PLA2R1: variants seen among roughly 807,000 people sequenced by gnomAD.
PLA2R1 encodes the protein secretory phospholipase A2 receptor.
In PLA2R1, 158 loss-of-function variants were observed where a neutral mutation model predicts 195.9. The ratio of observed to expected loss-of-function variants is 0.81; its 90% confidence interval spans 0.71 to 0.92. The LOEUF is 0.92. Among genes scored for constraint, PLA2R1 ranks in the 40% least tolerant of loss-of-function variants. The pLI, the probability that PLA2R1 is intolerant of heterozygous loss-of-function variation, is 0.00. For missense variants in PLA2R1, 1,626 were observed against 1,764.6 expected (o/e 0.92, Z 1.41); for synonymous variants, 586 against 598.2 (o/e 0.98, Z 0.30).
At chr2:159,949,155 T>C (rs1490017381) in intron 25 of PLA2R1, among the ~76,000 whole-genome samples, 3 of 152,168 alleles carry the variant, frequency 2.0e-5, no homozygotes, top group East Asian at 1.9e-4. Flanking sequence ...TTGAAGCCCA[T>C]GTTTCTCATC....
chr2:159,987,315 A>G lies in PLA2R1; in HGVS notation c.1878T>C (p.Leu626=). ...GCVAMRGRHP[L]GRWEVKHCRH... is the part of the protein sequence containing the mutation. ...GACAGTGCTTCACTTCCCAGCGACC[A>G]AGTGGATGCCTTCCTCGCATGGCAA... Residue 626 remains leucine, a synonymous_variant, in exon 12 of 30, where the codon CTT becomes CTC. Coordinates refer to ENST00000283243, the MANE Select transcript of PLA2R1 (RefSeq NM_007366.5). The G allele has an allele frequency of 6.2e-7, 1 of 1,612,374 alleles. No individual in the cohort carries two copies. Among genetic ancestry groups the G allele is most frequent in the Non-Finnish European group, 8.5e-7 (1 of 1,179,898 alleles).
At chr2:160,021,601 G>A (rs551407195) in intron 7 of PLA2R1, among the ~76,000 whole-genome samples, 2 of 152,280 alleles carry the variant, frequency 1.3e-5, no homozygotes, top group African/African-American at 4.8e-5. Flanking sequence ...ATACAGAGCA[G>A]GATAAAAAAC....
intron 11 of PLA2R1, among the ~76,000 whole-genome samples, chr2:159,993,968 A>G (rs1004872021): frequency 1.4e-4 from 22 of 152,180 alleles, no homozygotes; most frequent in African/African-American, 4.3e-4. Context: ...ACAAAAATTG[A>G]TTAAAAGGAA....
chr2:159,954,325 C>T (rs1372991532), intron 23 of PLA2R1, among the ~76,000 whole-genome samples: 1 of 151,708 alleles, frequency 6.6e-6, no homozygotes, highest in Non-Finnish European at 1.5e-5. Context: ...CTGCTGTTCC[C>T]ATATTACTCT....
At chr2:160,048,875 C>T (rs1404051625) in intron 1 of PLA2R1, among the ~76,000 whole-genome samples, 1 of 140,036 alleles carries the variant, frequency 7.1e-6, no homozygotes. Flanking sequence ...GAGTCTCGCT[C>T]TGTCACCCAG....
In PLA2R1 at chr2:160,028,922, T is replaced by C. The variant is rs745439228; in HGVS notation, c.883A>G (p.Asn295Asp). Residue 295 changes from asparagine to aspartate, a missense_variant, in exon 5 of 30, where the codon AAT becomes GAT. Asn to Asp is a conservative substitution (Grantham distance 23, BLOSUM62 1). Coordinates refer to ENST00000283243, the MANE Select transcript of PLA2R1 (RefSeq NM_007366.5). ...CAGCCAGCGTGTTCATCCAGCTGAT[T>C]GAGGCCCATCCACACCTCCACTGTT... Reference protein sequence around the residue: ...SKTVEVWMGLNQLDEHAGWQW... With the variant: ...SKTVEVWMGLDQLDEHAGWQW... 2 of 1,610,904 alleles carry C rather than the reference T, an allele frequency of 1.2e-6. No individual in the cohort carries two copies. The highest frequency in any genetic ancestry group is 2.2e-5 in the South Asian group (2 of 91,060).
At chr2:159,989,718 G>A (rs914003781) in intron 11 of PLA2R1, among the ~76,000 whole-genome samples, 2 of 152,120 alleles carry the variant, frequency 1.3e-5, no homozygotes, top group Admixed American at 1.3e-4. Context: ...AAATACCCCT[G>A]CAATGTTGCT....
At chr2:160,020,351 T>G in intron 7 of PLA2R1, 88 bp from the exon 8 acceptor site, 1 of 756,670 alleles carries the variant, frequency 1.3e-6, no homozygotes, top group Non-Finnish European at 2.2e-6. Context: ...ATATACCACT[T>G]CACATGTGAT....
the PLA2R1 span, among the ~76,000 whole-genome samples, chr2:159,925,198 C>CAA: frequency 2.3e-5 from 2 of 86,870 alleles, no homozygotes; most frequent in African/African-American, 5.5e-5. Context: ...TAAAAAAAAA[C>CAA]AAACAAACAA....
chr2:159,983,998 G>T lies in PLA2R1; in HGVS notation c.2113C>A (p.His705Asn). The T allele has an allele frequency of 6.2e-7, 1 of 1,600,936 alleles. No homozygotes were observed. Among genetic ancestry groups the T allele is most frequent in the Non-Finnish European group, 8.6e-7 (1 of 1,168,646 alleles). The change falls in exon 13 of 30, where the codon CAT becomes AAT. Residue 705 changes from histidine (H) to asparagine (N), a missense_variant. Transcript: ENST00000283243. ...TCAATATGGGCAAAGCTTGCAAGATGAGCTCCAAATTCTTCGCAAAATGCT... is the reference window on the plus strand; with the variant it reads ...TCAATATGGGCAAAGCTTGCAAGATTAGCTCCAAATTCTTCGCAAAATGCT... The part of the protein sequence containing the change: ...AEAFCEEFGA[H>N]LASFAHIEEE...
chr2:160,002,714 A>G (rs914316303), intron 11 of PLA2R1, among the ~76,000 whole-genome samples: 7 of 151,986 alleles, frequency 4.6e-5, no homozygotes, highest in Non-Finnish European at 7.4e-5. Context: ...ATAGTAGGTG[A>G]AGCTTTGTAC....
rs572195753 is a variant in PLA2R1, at chr2:159,949,825, C to T, written c.3541-49G>A. 87 of 1,485,902 alleles carry T rather than the reference C, an allele frequency of 5.9e-5. 1 individual carries two copies. In the South Asian group the frequency reaches 8.0e-4, roughly 14 times the overall value. The allele number at this position is 1,485,902 out of a possible 1,614,324, so 92.0% of individuals were successfully genotyped here. On this transcript the variant is annotated intron_variant, in intron 24 of 29. Transcript: ENST00000283243. ...ATTTCCTTGCCACGACGGCTGGCAG[C>T]ATCACCCAGTGTTATCTGAGCATGC...
chr2:160,045,278 C>G, intron 1 of PLA2R1, 121 bp from the exon 2 acceptor site: 1 of 752,798 alleles, frequency 1.3e-6, no homozygotes, highest in Non-Finnish European at 2.1e-6. Flanking sequence ...TCCCACAGAT[C>G]TGGAGTTGTT....
intron 28 of PLA2R1, among the ~76,000 whole-genome samples, chr2:159,942,706 T>G (rs1375106459): frequency 6.6e-6 from 1 of 152,196 alleles, no homozygotes; most frequent in Admixed American, 6.5e-5. Context: ...ATCCAAAAAG[T>G]TAGAGAGTTT....
intron 12 of PLA2R1, among the ~76,000 whole-genome samples, chr2:159,985,743 T>C (rs751805995): frequency 6.6e-6 from 1 of 152,206 alleles, no homozygotes; most frequent in Non-Finnish European, 1.5e-5. Context: ...TAACACCCTC[T>C]GAGTGTCTAC....
rs781070036 is a variant in PLA2R1, at chr2:159,976,694, A to G, written c.2428T>C (p.Tyr810His). The G allele has an allele frequency of 1.9e-6, 3 of 1,607,628 alleles. No individual in the cohort carries two copies. Among genetic ancestry groups the G allele is most frequent in the East Asian group, 4.5e-5 (2 of 44,820 alleles). The change falls in exon 16 of 30, where the codon TAC becomes CAC. Residue 810 changes from tyrosine (Y) to histidine (H), a missense_variant. Tyr to His is a moderately conservative substitution (Grantham distance 83, BLOSUM62 2). Transcript: ENST00000283243. The part of the protein sequence containing the change: ...RDVKPKIPFW[Y>H]QYDVPWLFYQ... ...CCAGAGTCATTCTTACCGTACTGGT[A>G]CCAGAACGGAATCTTGGGTTTCACA...
Position 159,987,204 on chromosome 2 carries a change from G to C in PLA2R1, c.1989C>G (p.Pro663=), listed in dbSNP as rs746823601. 6.2e-7 allele frequency: 1 copy of C among 1,613,988 alleles called. No individual in the cohort carries two copies. Among genetic ancestry groups the C allele is most frequent in the Admixed American group, 1.7e-5 (1 of 60,024 alleles). ...GCTCTGACTCCCAGTCCAAATAGCA[G>C]GGGTGAAAGGGCCATCTCTCTTCAT... ...AEYEERWPFH[P]CYLDWESEPG... Residue 663 remains proline (P), a synonymous_variant, in exon 12 of 30, where the codon CCC becomes CCG. Coordinates refer to ENST00000283243, the MANE Select transcript of PLA2R1 (RefSeq NM_007366.5).
intron 1 of PLA2R1, among the ~76,000 whole-genome samples, chr2:160,045,482 G>A (rs1694802132): frequency 6.6e-6 from 1 of 152,226 alleles, no homozygotes; most frequent in South Asian, 2.1e-4. Flanking sequence ...TGGTTAGAGA[G>A]AGGGATTGGT....
At chr2:160,038,508 A>C (rs1372588940) in intron 3 of PLA2R1, among the ~76,000 whole-genome samples, 5 of 152,184 alleles carry the variant, frequency 3.3e-5, no homozygotes, top group Admixed American at 3.3e-4. Flanking sequence ...AGGTGGGGAG[A>C]CTTGGCCCAT....
Sources: gnomAD v4.1 joint callset for allele counts (sites outside exome capture counted in the v4.1 genomes callset) on GRCh38, gnomAD v4.1.1 for gene constraint, MANE v1.5 for transcripts, NCBI Gene and HGNC (gene_info 2026-07-23, HGNC 2026-07-21) for gene names.